The following PRELID2 variants were observed in gnomAD, a reference collection of about 807,000 sequenced individuals.
PRELID2 encodes PRELI domain containing 2, also known as PRELI domain-containing protein 2.
Under a neutral mutation model 28.4 loss-of-function variants are expected in PRELID2, and 25 were observed. The ratio of observed to expected loss-of-function variants is 0.88; its 90% CI spans 0.64 to 1.23. PRELID2 has a LOEUF of 1.23. Among genes scored for constraint, PRELID2 ranks in the 50% most tolerant of loss-of-function variants. The pLI is 0.00. For missense variants in PRELID2, 201 were observed against 214.4 expected, an observed-to-expected ratio of 0.94 and a Z score of 0.39; for synonymous variants, 76 against 71.6, an observed-to-expected ratio of 1.06 and a Z score of -0.31.
chr5:145,302,979 T>A, the PRELID2 span, among the ~76,000 whole-genome samples: 1 of 152,188 alleles, frequency 6.6e-6, no homozygotes, highest in Non-Finnish European at 1.5e-5. Flanking sequence ...CTCTACCTGA[T>A]CTTTTAAGCT....
At chr5:145,393,385 G>A in the PRELID2 span, among the ~76,000 whole-genome samples, 38 of 152,202 alleles carry the variant, frequency 2.5e-4, no homozygotes, top group African/African-American at 8.4e-4. Flanking sequence ...CCTGGCTTTG[G>A]GTTTTTAAAA....
chr5:145,579,625 T>G (rs1307798438), intron 1 of PRELID2, among the ~76,000 whole-genome samples: 1 of 152,104 alleles, frequency 6.6e-6, no homozygotes, highest in Non-Finnish European at 1.5e-5. Flanking sequence ...GAGTGAATCA[T>G]TGAGTCACCT....
chr5:145,662,540 A>G (rs1483678790), intron 1 of PRELID2, among the ~76,000 whole-genome samples: 2 of 152,134 alleles, frequency 1.3e-5, no homozygotes, highest in African/African-American at 2.4e-5. Flanking sequence ...TTCAACCTCA[A>G]TGTGGCAGTA....
chr5:145,336,258 G>A, the PRELID2 span, among the ~76,000 whole-genome samples: 8 of 151,980 alleles, frequency 5.3e-5, no homozygotes, highest in Non-Finnish European at 7.4e-5. Flanking sequence ...GTTTTGCTGT[G>A]CAGAAGCTCT....
intron 4 of PRELID2, among the ~76,000 whole-genome samples, chr5:145,813,200 T>TA (rs1046667824): frequency 3.9e-5 from 6 of 152,140 alleles, no homozygotes; most frequent in Admixed American, 2.0e-4. Context: ...TTATTCCCTT[T>TA]AAAAAAACTT....
At chr5:145,825,256 A>C (rs866053401) in intron 1 of PRELID2, among the ~76,000 whole-genome samples, 50 of 141,132 alleles carry the variant, frequency 3.5e-4, no homozygotes, top group Middle Eastern at 3.5e-3. Flanking sequence ...AAAAAAAAAA[A>C]AAAACTTGGA....
At chr5:145,825,600 A>G (rs776976019) in intron 1 of PRELID2, among the ~76,000 whole-genome samples, 4 of 152,218 alleles carry the variant, frequency 2.6e-5, no homozygotes, top group Non-Finnish European at 4.4e-5. Context: ...TGAAAATGTA[A>G]ACACCAGGGA....
intron 1 of PRELID2, among the ~76,000 whole-genome samples, chr5:145,747,717 T>C (rs541405342): frequency 6.6e-6 from 1 of 152,218 alleles, no homozygotes; most frequent in African/African-American, 2.4e-5. Flanking sequence ...AAAGAAAACT[T>C]CAGGCCAATA....
At chr5:145,454,036 C>T in the PRELID2 span, among the ~76,000 whole-genome samples, 20 of 152,306 alleles carry the variant, frequency 1.3e-4, no homozygotes, top group African/African-American at 4.8e-4. Flanking sequence ...TGAGGAATCA[C>T]CACATTGTTT....
chr5:145,421,634 A>C, the PRELID2 span, among the ~76,000 whole-genome samples: 1 of 134,910 alleles, frequency 7.4e-6, no homozygotes, highest in African/African-American at 2.7e-5. Flanking sequence ...TTTTTTCTTT[A>C]TTAGTCTTGC....
At chr5:145,317,247 G>A in the PRELID2 span, among the ~76,000 whole-genome samples, 1 of 152,284 alleles carries the variant, frequency 6.6e-6, no homozygotes, top group African/African-American at 2.4e-5. Context: ...TAAGAACCAC[G>A]GAACCAGGGG....
the PRELID2 span, among the ~76,000 whole-genome samples, chr5:145,373,016 TTATATTACAACATATATAATATGATA>T: frequency 7.8e-5 from 9 of 115,360 alleles, no homozygotes; most frequent in Admixed American, 2.2e-4. Context: ...AATATATATA[TTATATTACAACATATATAATATGATA>T]TATATTACAA....
At chr5:145,269,286 G>T in the PRELID2 span, among the ~76,000 whole-genome samples, 1 of 152,048 alleles carries the variant, frequency 6.6e-6, no homozygotes, top group Non-Finnish European at 1.5e-5. Context: ...TGCAGTATTG[G>T]CAGAAAGTTA....
chr5:145,514,780 GAAAGA>G (rs1446008085), intron 1 of PRELID2, among the ~76,000 whole-genome samples: 1 of 151,010 alleles, frequency 6.6e-6, no homozygotes, highest in Non-Finnish European at 1.5e-5. Flanking sequence ...CAAAAAAAAA[GAAAGA>G]AAAGGAAATC....
intron 5 of PRELID2, among the ~76,000 whole-genome samples, chr5:145,791,919 T>C (rs1752421678): frequency 6.6e-6 from 1 of 152,222 alleles, no homozygotes. Context: ...CTGTGGAGTT[T>C]AGGTCAGCTG....
At chr5:145,723,977 C>A (rs913425446) in intron 1 of PRELID2, among the ~76,000 whole-genome samples, 1 of 152,084 alleles carries the variant, frequency 6.6e-6, no homozygotes, top group Non-Finnish European at 1.5e-5. Context: ...CAAGTAAATT[C>A]TGATGCATAC....
chr5:145,593,384 C>T (rs947259331), intron 1 of PRELID2, among the ~76,000 whole-genome samples: 5 of 152,140 alleles, frequency 3.3e-5, no homozygotes, highest in Non-Finnish European at 5.9e-5. Context: ...ATCAAGGAAT[C>T]TATGAAAGGT....
At chr5:145,312,483 C>CA in the PRELID2 span, among the ~76,000 whole-genome samples, 1 of 152,222 alleles carries the variant, frequency 6.6e-6, no homozygotes, top group Non-Finnish European at 1.5e-5. Context: ...TTGATCCCTT[C>CA]AGCCAACGTC....
At chr5:145,465,189 T>C in the PRELID2 span, among the ~76,000 whole-genome samples, 1 of 152,084 alleles carries the variant, frequency 6.6e-6, no homozygotes, top group Admixed American at 6.6e-5. Context: ...CTTCTGATAT[T>C]AGATGGCTAG....
Sources: allele counts gnomAD v4.1 joint callset (sites outside exome capture counted in the v4.1 genomes callset), GRCh38; gene constraint gnomAD v4.1.1; transcripts MANE v1.5; gene names NCBI Gene and HGNC (gene_info 2026-07-23, HGNC 2026-07-21).